The following DNAH11 variants were observed in gnomAD, a reference collection of about 807,000 sequenced individuals.
DNAH11 encodes the protein axonemal beta dynein heavy chain 11.
DNAH11 carries 442 observed loss-of-function variants against 526.0 expected under a neutral mutation model. The ratio of observed to expected loss-of-function variants is 0.84; its 90% CI spans 0.78 to 0.91. DNAH11 has a LOEUF of 0.91. Among genes scored for constraint, DNAH11 ranks in the 40% least tolerant of loss-of-function variants. DNAH11 has a pLI of 0.00. For missense variants in DNAH11, 6,989 were observed against 5,448.7 expected (o/e 1.28, Z -8.90); for synonymous variants, 2,461 against 1,935.9 (o/e 1.27, Z -7.12).
chr7:21,720,171 T>G (rs1457391353), intron 43 of DNAH11, among the ~76,000 whole-genome samples: 1 of 152,198 alleles, frequency 6.6e-6, no homozygotes, highest in Non-Finnish European at 1.5e-5. Context: ...CAGTCCAACA[T>G]TCTAAATTTA....
chr7:21,795,442 A>G (rs1583703855), intron 61 of DNAH11, among the ~76,000 whole-genome samples: 1 of 152,208 alleles, frequency 6.6e-6, no homozygotes, highest in East Asian at 1.9e-4. Context: ...CACACCCTAC[A>G]CATCAGTGTA....
Position 21,801,195 on chromosome 7 carries a change from A to G in DNAH11, c.10085A>G (p.Lys3362Arg). ...TASFEKATAE[K>R]VRCQEEVNQT... Reference sequence around the variant, plus strand: ...TCATTTGAAAAAGCAACAGCTGAGAAAGTCCGGTGTCAAGAAGAGGTGAAC... The same window carrying G: ...TCATTTGAAAAAGCAACAGCTGAGAGAGTCCGGTGTCAAGAAGAGGTGAAC... Residue 3362 changes from lysine (K) to arginine (R), a missense_variant, in exon 62 of 82, where the codon AAA (lysine) becomes AGA (arginine). Coordinates refer to ENST00000409508, the MANE Select transcript of DNAH11 (RefSeq NM_001277115.2). The G allele has an allele frequency of 6.2e-7, 1 of 1,613,412 alleles. No homozygotes were observed. Among genetic ancestry groups the G allele is most frequent in the Non-Finnish European group, 8.5e-7 (1 of 1,179,626 alleles).
At chr7:21,626,410 CA>C (rs1241161562) in intron 25 of DNAH11, among the ~76,000 whole-genome samples, 1 of 152,092 alleles carries the variant, frequency 6.6e-6, no homozygotes, top group Non-Finnish European at 1.5e-5. Flanking sequence ...ATTAGTACTG[CA>C]AAAAACATGG....
In DNAH11 at chr7:21,725,811, A is replaced by G; in HGVS notation, c.7267A>G (p.Ile2423Val). 6.2e-7 allele frequency: 1 copy of G among 1,609,256 alleles called. No homozygotes were observed. Among genetic ancestry groups the G allele is most frequent in the Non-Finnish European group, 8.5e-7 (1 of 1,177,710 alleles). ...TAAGGATTTCTTTTGTTCTCCTTAG[A>G]TTTCTGATTATCAAGCTGACTTCAG... ...AFGGTLLQDQ[I>V]SDYQADFSRW... The change falls in exon 45 of 82, where the codon ATT becomes GTT. Residue 2423 changes from isoleucine (I) to valine (V), a missense_variant and splice_region_variant. By Grantham distance (29) the Ile-to-Val change is conservative. Transcript: ENST00000409508.
At chr7:21,874,707 G>T (rs1783638974) in intron 74 of DNAH11, among the ~76,000 whole-genome samples, 1 of 151,424 alleles carries the variant, frequency 6.6e-6, no homozygotes, top group African/African-American at 2.4e-5. Context: ...ACATATATAT[G>T]ATATATATAT....
chr7:21,684,963 A>G (rs1474580244), intron 32 of DNAH11, among the ~76,000 whole-genome samples: 1 of 152,232 alleles, frequency 6.6e-6, no homozygotes, highest in African/African-American at 2.4e-5. Flanking sequence ...CGAAGTGTAG[A>G]CAATTTCAAA....
chr7:21,901,499 G>C lies in DNAH11; in HGVS notation c.*245G>C, dbSNP rs1784848608. On this transcript the variant is annotated 3_prime_UTR_variant, in exon 82 of 82. Coordinates refer to ENST00000409508, the MANE Select transcript of DNAH11 (RefSeq NM_001277115.2). Reference sequence around the variant, plus strand: ...TAGGAGAATCACTTGAACCTAGGAGGCAAAGGTTGCAGTGAGCCGAGGTTG... The same window carrying C: ...TAGGAGAATCACTTGAACCTAGGAGCCAAAGGTTGCAGTGAGCCGAGGTTG... The C allele has an allele frequency of 8.1e-6, 3 of 369,192 alleles. No homozygotes were observed. The highest frequency in any genetic ancestry group is 1.3e-5 in the Non-Finnish European group (3 of 227,822). 22.9% of individuals were successfully genotyped at this position (369,192 alleles called of 1,614,324 possible).
chr7:21,620,177 A>G, intron 25 of DNAH11, 99 bp downstream of exon 25: 1 of 1,053,016 alleles, frequency 9.5e-7, no homozygotes, highest in South Asian at 2.1e-5. Context: ...ATGTATGTTT[A>G]CAATGTGGAA....
chr7:21,850,593 G>C (rs1016036804), intron 66 of DNAH11, among the ~76,000 whole-genome samples: 1 of 131,100 alleles, frequency 7.6e-6, no homozygotes, highest in Admixed American at 7.8e-5. Context: ...CCTGAGGTTT[G>C]CGTTCTGTCT....
At chr7:21,893,678 T>C (rs1784407799) in intron 77 of DNAH11, among the ~76,000 whole-genome samples, 1 of 152,250 alleles carries the variant, frequency 6.6e-6, no homozygotes, top group Middle Eastern at 3.2e-3. Context: ...TTAGTATGCA[T>C]GTCTGAGTAC....
intron 79 of DNAH11, among the ~76,000 whole-genome samples, chr7:21,896,581 A>G (rs1784522777): frequency 6.6e-6 from 1 of 152,242 alleles, no homozygotes; most frequent in South Asian, 2.1e-4. Context: ...GATTCCATCC[A>G]TAGCTTTTAT....
chr7:21,793,633 A>G (rs115192828), intron 61 of DNAH11, among the ~76,000 whole-genome samples: 2 of 151,238 alleles, frequency 1.3e-5, no homozygotes, highest in African/African-American at 4.9e-5. Flanking sequence ...AAAAAAAAAG[A>G]ATTTGTATTC....
At chr7:21,736,792 C>T (rs540182765) in intron 46 of DNAH11, among the ~76,000 whole-genome samples, 52 of 152,210 alleles carry the variant, frequency 3.4e-4, no homozygotes, top group African/African-American at 1.2e-3. Context: ...AGTTTGAGTC[C>T]AGCCCGGGCA....
At chr7:21,866,744 G>T in intron 71 of DNAH11, 81 bp downstream of exon 71, 1 of 1,405,192 alleles carries the variant, frequency 7.1e-7, no homozygotes, top group Non-Finnish European at 9.5e-7. Context: ...GGATCTGGTG[G>T]AAGTGTTTAC....
rs1784849972 is a variant in DNAH11, at chr7:21,720,878, AG to A, written c.7266+24del. On this transcript the variant is annotated intron_variant, in intron 44 of 81. Transcript: ENST00000409508. ...TCAGGTATGTTTAGAAATAGTTTAC[AG>A]GACCAGTTTCCAGTTTTGTGTGGGA... 4 of 1,607,008 alleles carry A rather than the reference AG, an allele frequency of 2.5e-6. No individual in the cohort carries two copies. The African/African-American group carries it at 5.4e-5, about 22-fold the overall frequency.
intron 6 of DNAH11, among the ~76,000 whole-genome samples, chr7:21,565,507 T>G (rs1337355486): frequency 1.3e-5 from 2 of 152,200 alleles, no homozygotes; most frequent in African/African-American, 4.8e-5. Flanking sequence ...AAAGAACAGG[T>G]CTGCAGACTT....
chr7:21,577,300 G>A (rs1378476952), intron 8 of DNAH11, among the ~76,000 whole-genome samples: 2 of 152,198 alleles, frequency 1.3e-5, no homozygotes, highest in Admixed American at 6.5e-5. Context: ...CCCTCCCCTT[G>A]CCAGGAAGAG....
chr7:21,559,056 G>T, intron 3 of DNAH11, 58 bp downstream of exon 3: 1 of 1,447,206 alleles, frequency 6.9e-7, no homozygotes, highest in African/African-American at 1.4e-5. Flanking sequence ...CCAGCACGGT[G>T]GCTCATGCCT....
At chr7:21,551,365 T>C (rs1783016394) in intron 2 of DNAH11, among the ~76,000 whole-genome samples, 1 of 152,224 alleles carries the variant, frequency 6.6e-6, no homozygotes, top group Admixed American at 6.5e-5. Flanking sequence ...ACATGAGCTA[T>C]GGTTACCTCT....
Sources: allele counts gnomAD v4.1 joint callset (sites outside exome capture counted in the v4.1 genomes callset), GRCh38; gene constraint gnomAD v4.1.1; transcripts MANE v1.5; gene names NCBI Gene and HGNC (gene_info 2026-07-23, HGNC 2026-07-21).